The following SHANK2 variants were observed in gnomAD, a reference collection of about 807,000 sequenced individuals.
SHANK2 encodes the protein SH3 and multiple ankyrin repeat domains protein 2.
In SHANK2, 43 loss-of-function variants were observed where a neutral mutation model predicts 133.7. The observed-to-expected ratio is 0.32, with a 90% CI of 0.25 to 0.41. The LOEUF (loss-of-function observed/expected upper bound fraction) is 0.41, where lower values mean the gene tolerates loss of function less well. Ranked by LOEUF, SHANK2 falls within the 10% of genes least tolerant of loss-of-function variation. SHANK2 has a pLI of 1.00. For missense variants in SHANK2, 1,994 were observed against 2,235.8 expected, an observed-to-expected ratio of 0.89 and a Z score of 2.18; for synonymous variants, 1,017 against 952.8, an observed-to-expected ratio of 1.07 and a Z score of -1.24.
intron 11 of SHANK2, among the ~76,000 whole-genome samples, chr11:70,876,332 C>T (rs1177383297): frequency 4.1e-5 from 6 of 147,806 alleles, no homozygotes; most frequent in Non-Finnish European, 8.9e-5. Context: ...GAGGCCGAGG[C>T]GGGCAGATCA....
At chr11:71,156,571 C>A (rs1952910188) in intron 2 of SHANK2, among the ~76,000 whole-genome samples, 1 of 152,180 alleles carries the variant, frequency 6.6e-6, no homozygotes, top group African/African-American at 2.4e-5. Context: ...GGAGTCCACG[C>A]CTAATTCCAC....
At chr11:70,494,216 C>T (rs1287906312) in intron 21 of SHANK2, among the ~76,000 whole-genome samples, 3 of 152,236 alleles carry the variant, frequency 2.0e-5, no homozygotes, top group Non-Finnish European at 1.5e-5. Context: ...GACACTCTCA[C>T]AGTAGAGTCT....
intron 11 of SHANK2, among the ~76,000 whole-genome samples, chr11:70,837,957 G>A (rs536708042): frequency 6.0e-5 from 4 of 66,398 alleles, no homozygotes; most frequent in African/African-American, 2.5e-4. Flanking sequence ...CTGGGCAACA[G>A]AGCAAAACAT....
At chr11:70,780,029 G>A (rs1555044802) in intron 14 of SHANK2, among the ~76,000 whole-genome samples, 3 of 152,198 alleles carry the variant, frequency 2.0e-5, no homozygotes, top group African/African-American at 7.2e-5. Context: ...AAGCCCTGGA[G>A]CTGCCAGGCA....
At chr11:70,591,768 G>C (rs1361707286) in intron 17 of SHANK2, among the ~76,000 whole-genome samples, 1 of 152,162 alleles carries the variant, frequency 6.6e-6, no homozygotes, top group Non-Finnish European at 1.5e-5. Flanking sequence ...TGTAATCCCA[G>C]CACTTTGGGA....
At chr11:70,502,129 C>T in intron 19 of SHANK2, 77 bp downstream of exon 19, 3 of 1,472,494 alleles carry the variant, frequency 2.0e-6, no homozygotes, top group Admixed American at 2.0e-5. Context: ...GGGTCATGCA[C>T]AGCCTGGTGC....
chr11:70,540,393 T>C (rs2059604807), intron 17 of SHANK2, among the ~76,000 whole-genome samples: 1 of 151,012 alleles, frequency 6.6e-6, no homozygotes, highest in Admixed American at 6.6e-5. Flanking sequence ...TCCTGTGGAG[T>C]CGAGGTGATG....
intron 17 of SHANK2, among the ~76,000 whole-genome samples, chr11:70,594,897 G>C (rs1200778842): frequency 2.6e-5 from 4 of 152,094 alleles, no homozygotes; most frequent in African/African-American, 9.7e-5. Context: ...TGCACCTTCA[G>C]GGACCCCATG....
chr11:71,217,512 A>AG (rs1565521405), intron 2 of SHANK2, among the ~76,000 whole-genome samples: 1 of 152,176 alleles, frequency 6.6e-6, no homozygotes, highest in Non-Finnish European at 1.5e-5. Flanking sequence ...TCAAAAAAAA[A>AG]AAAGTAAACT....
chr11:70,485,445 G>C lies in SHANK2; in HGVS notation c.4848C>G (p.Leu1616=). 6.2e-7 allele frequency: 1 copy of C among 1,614,038 alleles called. No individual in the cohort carries two copies. The highest frequency in any genetic ancestry group is 8.5e-7 in the Non-Finnish European group (1 of 1,180,034). Residue 1616 remains leucine (L), a synonymous_variant, in exon 25 of 26, where the codon CTC becomes CTG. Coordinates refer to ENST00000601538, the MANE Select transcript of SHANK2 (RefSeq NM_012309.5). The surrounding 1 kb of genome is among the most constrained non-coding windows in gnomAD (Gnocchi z 5.8). ...GDVTEIKSPI[L]SGPKANVISE... is the part of the protein sequence containing the mutation. Reference sequence around the variant, plus strand: ...TAATAACGTTTGCCTTTGGGCCTGAGAGAATCGGGCTTTTGATCTCTGTGA... The same window carrying C: ...TAATAACGTTTGCCTTTGGGCCTGACAGAATCGGGCTTTTGATCTCTGTGA...
At chr11:70,580,412 G>A (rs189735697) in intron 17 of SHANK2, among the ~76,000 whole-genome samples, 8 of 152,334 alleles carry the variant, frequency 5.3e-5, no homozygotes, top group Admixed American at 5.2e-4. Flanking sequence ...ACTGCAGACC[G>A]TGCCAGCCTC....
intron 17 of SHANK2, among the ~76,000 whole-genome samples, chr11:70,628,105 G>T (rs565266608): frequency 6.6e-6 from 1 of 152,100 alleles, no homozygotes; most frequent in Non-Finnish European, 1.5e-5. Context: ...GATTACAGGC[G>T]CATGCCACCA....
Position 70,751,657 on chromosome 11 carries a change from A to G in SHANK2, c.1777+46786T>C, listed in dbSNP as rs1403154064. Among the ~76,000 whole-genome samples the G allele has an allele frequency of 2.0e-5, 3 of 152,234 alleles. No homozygotes were observed. In the East Asian group the frequency reaches 5.8e-4, roughly 29 times the overall value. ...TTCTTGAAAATACGATGGTTGAAGT[A>G]AAAATTATTATATTTTATGATAGTA... On this transcript the variant is annotated intron_variant, in intron 14 of 25. Transcript: ENST00000601538.
At chr11:70,954,292 C>T (rs1451293050) in intron 10 of SHANK2, among the ~76,000 whole-genome samples, 1 of 152,198 alleles carries the variant, frequency 6.6e-6, no homozygotes, top group East Asian at 1.9e-4. Context: ...AAGTGCAACG[C>T]CAGGAACCAC....
chr11:71,064,767 G>A (rs900414603), intron 9 of SHANK2, among the ~76,000 whole-genome samples: 13 of 152,194 alleles, frequency 8.5e-5, no homozygotes, highest in African/African-American at 3.1e-4. Context: ...AACAGGAGGT[G>A]GCCAGGTTTC....
chr11:70,658,456 C>T (rs1290096280), intron 17 of SHANK2, among the ~76,000 whole-genome samples: 1 of 152,170 alleles, frequency 6.6e-6, no homozygotes, highest in Non-Finnish European at 1.5e-5. Flanking sequence ...TGGTGGTGCA[C>T]CCGACAGTTT....
In SHANK2 at chr11:70,808,050, G is replaced by A. The variant is rs191168023; in HGVS notation, c.1494-879C>T. Among the ~76,000 whole-genome samples the A allele has an allele frequency of 3.2e-3, 483 of 152,246 alleles. 3 individuals are homozygous for A. The highest frequency in any genetic ancestry group is 0.011 in the African/African-American group (443 of 41,540). Reference sequence around the variant, plus strand: ...AGGGTTCAATGGGGACAGAGTTTTGGTTTCACAAGATGAGAAGGTTCTGGA... The same window carrying A: ...AGGGTTCAATGGGGACAGAGTTTTGATTTCACAAGATGAGAAGGTTCTGGA... On this transcript the variant is annotated intron_variant, in intron 12 of 25. Transcript: ENST00000601538.
At chr11:70,490,197 G>T in intron 23 of SHANK2, 79 bp downstream of exon 23, 1 of 1,235,642 alleles carries the variant, frequency 8.1e-7, no homozygotes, top group Non-Finnish European at 1.2e-6. Flanking sequence ...GAGGCCCAGG[G>T]CTCAGAATTC....
chr11:70,566,495 C>CAGCTGCG, intron 17 of SHANK2: 1 of 152,192 alleles, frequency 6.6e-6, no homozygotes, highest in African/African-American at 2.4e-5. Flanking sequence ...ACCACAGTCC[C>CAGCTGCG]CAGTCCCCAG....
Sources: allele counts gnomAD v4.1 joint callset (sites outside exome capture counted in the v4.1 genomes callset), GRCh38; gene constraint gnomAD v4.1.1; non-coding constraint Gnocchi (gnomAD v3.1); transcripts MANE v1.5; gene names NCBI Gene and HGNC (gene_info 2026-07-23, HGNC 2026-07-21).